NLGN4Y: variants seen among roughly 807,000 people sequenced by gnomAD.
The protein encoded by NLGN4Y is neuroligin-4, Y-linked.
NLGN4Y carries 4 observed loss-of-function variants against 8.4 expected under a neutral mutation model. The observed-to-expected ratio is 0.48, with a 90% CI of 0.23 to 1.09. The LOEUF (loss-of-function observed/expected upper bound fraction) is 1.09, where lower values mean the gene tolerates loss of function less well. Among genes scored for constraint, NLGN4Y ranks in the 50% least tolerant of loss-of-function variants. The pLI is 0.19. For missense variants in NLGN4Y, 90 were observed against 192.3 expected, an observed-to-expected ratio of 0.47 and a Z score of 3.15; for synonymous variants, 35 against 75.6, an observed-to-expected ratio of 0.46 and a Z score of 2.78.
At chrY:14,684,681 C>T (rs1008842187) in intron 2 of NLGN4Y, among the ~76,000 whole-genome samples, 1 of 33,290 alleles carries the variant, frequency 3.0e-5, no homozygotes, top group Non-Finnish European at 7.4e-5. Flanking sequence ...ACCAACCAGG[C>T]TTCACCTACA....
At chrY:14,640,598 C>T (rs2080587082) in intron 2 of NLGN4Y, among the ~76,000 whole-genome samples, 1 of 33,975 alleles carries the variant, frequency 2.9e-5, no homozygotes, top group South Asian at 6.5e-4. Context: ...CTCCTAAACA[C>T]GGACTTTCCT....
At chrY:14,652,234 A>T (rs1019226608) in intron 2 of NLGN4Y, among the ~76,000 whole-genome samples, 9 of 33,279 alleles carry the variant, frequency 2.7e-4, no homozygotes, top group Non-Finnish European at 5.2e-4. Flanking sequence ...TATGAATGTT[A>T]AACTATCCAT....
intron 2 of NLGN4Y, among the ~76,000 whole-genome samples, chrY:14,631,688 G>T: frequency 2.9e-5 from 1 of 34,059 alleles, no homozygotes; most frequent in Non-Finnish European, 7.3e-5. Flanking sequence ...TACCCAAATG[G>T]TTCTTTCATC....
chrY:14,528,524 T>C, intron 1 of NLGN4Y, among the ~76,000 whole-genome samples: 1 of 31,657 alleles, frequency 3.2e-5, no homozygotes, highest in Admixed American at 2.9e-4. Flanking sequence ...GAAAGCCCCT[T>C]ATAAAACGAT....
chrY:14,568,384 T>G, intron 1 of NLGN4Y, among the ~76,000 whole-genome samples: 4 of 33,568 alleles, frequency 1.2e-4, no homozygotes, highest in African/African-American at 4.6e-4. Context: ...AGGGAAATGA[T>G]AATGTTAACT....
chrY:14,702,190 T>G, intron 2 of NLGN4Y, among the ~76,000 whole-genome samples: 1 of 32,243 alleles, frequency 3.1e-5, no homozygotes, highest in Non-Finnish European at 7.6e-5. Context: ...ACTTTAAGTT[T>G]TAGGGTACAT....
intron 4 of NLGN4Y, among the ~76,000 whole-genome samples, chrY:14,773,822 G>T (rs2081115860): frequency 3.0e-5 from 1 of 33,412 alleles, no homozygotes; most frequent in Non-Finnish European, 7.4e-5. Flanking sequence ...AATGGGGAAA[G>T]GATTTCCTAA....
intron 4 of NLGN4Y, among the ~76,000 whole-genome samples, chrY:14,759,928 G>C: frequency 6.0e-5 from 2 of 33,347 alleles, no homozygotes; most frequent in Non-Finnish European, 1.5e-4. Flanking sequence ...TGGATTTAGT[G>C]CCAGCTGTTG....
intron 4 of NLGN4Y, among the ~76,000 whole-genome samples, chrY:14,757,445 AC>A (rs2081064967): frequency 6.6e-5 from 2 of 30,115 alleles, no homozygotes; most frequent in Admixed American, 3.0e-4. Flanking sequence ...TTCCTTTTTT[AC>A]CCCCCTATCA....
At chrY:14,809,471 A>C in intron 4 of NLGN4Y, among the ~76,000 whole-genome samples, 1 of 33,247 alleles carries the variant, frequency 3.0e-5, no homozygotes, top group South Asian at 6.7e-4. Context: ...TGTGGCAAAA[A>C]AACAAAAAAC....
chrY:14,728,512 G>A (rs771900133), intron 4 of NLGN4Y, among the ~76,000 whole-genome samples: 14 of 34,058 alleles, frequency 4.1e-4, no homozygotes, highest in African/African-American at 1.6e-3. Flanking sequence ...ATGTATGTGT[G>A]TGTGCACAAA....
chrY:14,662,345 TTATC>T (rs763925378), intron 2 of NLGN4Y, among the ~76,000 whole-genome samples: 58 of 33,885 alleles, frequency 1.7e-3, no homozygotes, highest in African/African-American at 3.1e-3. Flanking sequence ...CATCTATCTG[TTATC>T]TATCTATCTA....
chrY:14,733,543 G>C (rs926859623), intron 4 of NLGN4Y: 2 of 248,768 alleles, frequency 8.0e-6, no homozygotes, highest in African/African-American at 1.6e-4. Context: ...TTTGAGTTCA[G>C]ATGCAATCTA....
intron 2 of NLGN4Y, among the ~76,000 whole-genome samples, chrY:14,674,714 T>C (rs2080742260): frequency 3.0e-5 from 1 of 32,938 alleles, no homozygotes; most frequent in Non-Finnish European, 7.4e-5. Flanking sequence ...ATATATTGAC[T>C]TGATTTCTAT....
At chrY:14,776,683 G>A (rs1042161071) in intron 4 of NLGN4Y, among the ~76,000 whole-genome samples, 4 of 32,004 alleles carry the variant, frequency 1.2e-4, no homozygotes, top group Non-Finnish European at 2.3e-4. Context: ...TCTTTGATCT[G>A]TGTGGTGTGT....
chrY:14,624,653 GC>G (rs2080522110), intron 2 of NLGN4Y, among the ~76,000 whole-genome samples: 1 of 33,568 alleles, frequency 3.0e-5, no homozygotes, highest in Non-Finnish European at 7.4e-5. Context: ...CAAAGCTACA[GC>G]CCTGCATGTT....
chrY:14,647,965 A>T, intron 2 of NLGN4Y, among the ~76,000 whole-genome samples: 1 of 34,511 alleles, frequency 2.9e-5, no homozygotes, highest in Non-Finnish European at 7.2e-5. Flanking sequence ...GAAAAGAGAG[A>T]TGACTTACAA....
At chrY:14,571,915 C>T (rs372394082) in intron 1 of NLGN4Y, among the ~76,000 whole-genome samples, 1 of 32,596 alleles carries the variant, frequency 3.1e-5, no homozygotes, top group Non-Finnish European at 7.5e-5. Flanking sequence ...TGTATATATG[C>T]GACATTATTT....
At chrY:14,689,108 C>T (rs2080801329) in intron 2 of NLGN4Y, among the ~76,000 whole-genome samples, 1 of 30,669 alleles carries the variant, frequency 3.3e-5, no homozygotes, top group Non-Finnish European at 7.8e-5. Context: ...GTTTATTTCT[C>T]ACTCATGTTC....
Sources: allele counts gnomAD v4.1 joint callset (sites outside exome capture counted in the v4.1 genomes callset), GRCh38; gene constraint gnomAD v4.1.1; transcripts MANE v1.5; gene names NCBI Gene and HGNC (gene_info 2026-07-23, HGNC 2026-07-21).